FAM20A: variants seen among roughly 807,000 people sequenced by gnomAD.
The protein encoded by FAM20A is pseudokinase FAM20A.
Under a neutral mutation model 52.0 loss-of-function variants are expected in FAM20A, and 42 were observed. The ratio of observed to expected loss-of-function variants is 0.81; its 90% CI spans 0.63 to 1.04. The LOEUF (loss-of-function observed/expected upper bound fraction) is 1.04. FAM20A is among the 50% of genes least tolerant of loss of function. FAM20A has a pLI of 0.00. For missense variants in FAM20A, 742 were observed against 712.7 expected (o/e 1.04, Z -0.47); for synonymous variants, 304 against 298.9 (o/e 1.02, Z -0.18).
chr17:68,540,971 A>G lies in FAM20A; in HGVS notation c.1110-13T>C. On this transcript the variant is annotated splice_polypyrimidine_tract_variant and intron_variant, in intron 7 of 10. Transcript: ENST00000592554. ...ATTGACCTCCCACCTGAGGGGGAGA[A>G]GAAGTCCTGGGGCTGGAAAAGCCAA... 6.4e-7 allele frequency: 1 copy of G among 1,571,410 alleles called. No homozygotes were observed. Among genetic ancestry groups the G allele is most frequent in the Non-Finnish European group, 8.6e-7 (1 of 1,156,756 alleles).
intron 1 of FAM20A, among the ~76,000 whole-genome samples, chr17:68,596,928 G>A (rs781551321): frequency 6.6e-6 from 1 of 152,186 alleles, no homozygotes; most frequent in Non-Finnish European, 1.5e-5. Context: ...GAAAGCTTCA[G>A]GGCCAGATAG....
intron 3 of FAM20A, among the ~76,000 whole-genome samples, chr17:68,552,207 A>T (rs1332497424): frequency 6.6e-6 from 1 of 151,996 alleles, no homozygotes; most frequent in Non-Finnish European, 1.5e-5. Context: ...AGGAGTTTGA[A>T]ACCAGCCTGG....
At chr17:68,552,722 CGGACTGCGGA>C (rs917162414) in intron 3 of FAM20A, among the ~76,000 whole-genome samples, 1 of 95,088 alleles carries the variant, frequency 1.1e-5, no homozygotes, top group African/African-American at 3.7e-5. Context: ...TCGCCCAGGC[CGGACTGCGGA>C]CTGCAGTGGC....
At chr17:68,590,288 T>C (rs2088268040) in intron 1 of FAM20A, 1 of 151,940 alleles carries the variant, frequency 6.6e-6, no homozygotes, top group Non-Finnish European at 1.5e-5. Flanking sequence ...GAAAACAGAG[T>C]TGCAAGGAGG....
At chr17:68,556,366 T>C (rs185037028) in intron 1 of FAM20A, among the ~76,000 whole-genome samples, 1 of 152,308 alleles carries the variant, frequency 6.6e-6, no homozygotes, top group East Asian at 1.9e-4. Context: ...CATTTAGAGA[T>C]GTAGACTGTA....
intron 1 of FAM20A, among the ~76,000 whole-genome samples, chr17:68,594,767 C>T (rs1460029502): frequency 6.6e-6 from 1 of 152,238 alleles, no homozygotes; most frequent in Non-Finnish European, 1.5e-5. Context: ...CATCTTCAAT[C>T]AGCAATGGCT....
rs141040407 is a variant in FAM20A at position 68,544,585 on chromosome 17, T to G, written c.720-864A>C. On this transcript the variant is annotated intron_variant, in intron 4 of 10. Transcript: ENST00000592554. ...ACGTGATGTTGCAGAAATCTATAAA[T>G]AAGAAGCACTGGCAATTTAAACCGT... Among the ~76,000 whole-genome samples the G allele has an allele frequency of 1.8e-3, 275 of 152,300 alleles. 2 individuals are homozygous for G. Among genetic ancestry groups the G allele is most frequent in the African/African-American group, 5.7e-3 (238 of 41,546 alleles).
chr17:68,553,277 G>A (rs966159166), intron 3 of FAM20A, among the ~76,000 whole-genome samples: 7 of 152,038 alleles, frequency 4.6e-5, no homozygotes, highest in Non-Finnish European at 1.0e-4. Context: ...GTAAGTTTCC[G>A]GAGGCCTCCT....
At chr17:68,555,411 A>T in intron 2 of FAM20A, 148 bp downstream of exon 2, 1 of 910,538 alleles carries the variant, frequency 1.1e-6, no homozygotes, top group South Asian at 1.4e-5. Flanking sequence ...TCTCTTCCAG[A>T]GGGAAAAAGA....
rs199617889 is a variant in FAM20A at position 68,540,936 on chromosome 17, A to G, written c.1132T>C (p.Cys378Arg). 88 of 1,595,992 alleles carry G rather than the reference A, an allele frequency of 5.5e-5. No homozygotes were observed. Among genetic ancestry groups the G allele is most frequent in the Non-Finnish European group, 8.5e-7 (1 of 1,170,486 alleles). ...GGGTAGATCTGTTTCACTGTGTCAC[A>G]GTAAAGGGGATTGACCTCCCACCTG... ...KEEWEVNPLY[C>R]DTVKQIYPYN... The change falls in exon 8 of 11, where the codon TGT (cysteine) becomes CGT (arginine). Residue 378 changes from cysteine (C) to arginine (R), a missense_variant. Transcript: ENST00000592554.
chr17:68,551,995 A>G (rs1471908107), intron 3 of FAM20A, 44 bp from the exon 4 acceptor site: 1 of 1,320,648 alleles, frequency 7.6e-7, no homozygotes, highest in South Asian at 1.3e-5. Flanking sequence ...TCCGGGCCTC[A>G]GCCAAGGCTT....
chr17:68,574,059 ACT>A (rs1020296165), intron 1 of FAM20A, among the ~76,000 whole-genome samples: 7 of 150,196 alleles, frequency 4.7e-5, no homozygotes, highest in Admixed American at 4.0e-4. Context: ...GGTGGTGGGA[ACT>A]CTCTCTAGAG....
chr17:68,594,836 ACT>A (rs1316680852), intron 1 of FAM20A, among the ~76,000 whole-genome samples: 2 of 151,458 alleles, frequency 1.3e-5, no homozygotes, highest in Non-Finnish European at 2.9e-5. Context: ...GCCCAAGAAA[ACT>A]CTCTGCTTTA....
intron 1 of FAM20A, among the ~76,000 whole-genome samples, chr17:68,588,736 T>C (rs145912279): frequency 6.6e-6 from 1 of 152,332 alleles, no homozygotes; most frequent in East Asian, 1.9e-4. Context: ...TAATTATCTC[T>C]TAAAAGGCCC....
chr17:68,568,383 A>T (rs1474383695), intron 1 of FAM20A, among the ~76,000 whole-genome samples: 2 of 151,736 alleles, frequency 1.3e-5, no homozygotes, highest in Non-Finnish European at 1.5e-5. Flanking sequence ...CAGGAGAATG[A>T]CATGAACCCG....
intron 1 of FAM20A, among the ~76,000 whole-genome samples, chr17:68,568,870 G>A (rs1297836427): frequency 6.6e-6 from 1 of 151,818 alleles, no homozygotes; most frequent in Admixed American, 6.6e-5. Flanking sequence ...AACATTCAAA[G>A]GTTCCAGGGA....
chr17:68,543,139 C>A (rs1432159756), intron 5 of FAM20A, among the ~76,000 whole-genome samples: 1 of 152,110 alleles, frequency 6.6e-6, no homozygotes, highest in Non-Finnish European at 1.5e-5. Flanking sequence ...TGTTCAAATA[C>A]AGGGTCTGAT....
At chr17:68,590,590 G>A (rs1850232679) in intron 1 of FAM20A, among the ~76,000 whole-genome samples, 1 of 152,188 alleles carries the variant, frequency 6.6e-6, no homozygotes, top group African/African-American at 2.4e-5. Flanking sequence ...TTCCTTGGGA[G>A]GATTTTAATA....
At chr17:68,572,771 T>G (rs546181522) in intron 1 of FAM20A, among the ~76,000 whole-genome samples, 1 of 152,200 alleles carries the variant, frequency 6.6e-6, no homozygotes, top group East Asian at 1.9e-4. Context: ...TTTTAAGAAT[T>G]GTTGACTGAC....
Sources: gnomAD v4.1 joint callset for allele counts (sites outside exome capture counted in the v4.1 genomes callset) on GRCh38, gnomAD v4.1.1 for gene constraint, MANE v1.5 for transcripts, NCBI Gene and HGNC (gene_info 2026-07-23, HGNC 2026-07-21) for gene names.